ADAMTS3: variants seen among roughly 807,000 people sequenced by gnomAD.
ADAMTS3 encodes ADAM metallopeptidase with thrombospondin type 1 motif 3.
Under a neutral mutation model 129.0 loss-of-function variants are expected in ADAMTS3, and 73 were observed. That is an observed-to-expected ratio of 0.57 (90% CI 0.47 to 0.69). The LOEUF is 0.69. Among genes scored for constraint, ADAMTS3 ranks in the 30% least tolerant of loss-of-function variants. The pLI, the probability that ADAMTS3 is intolerant of heterozygous loss-of-function variation, is 0.00. For synonymous variants in ADAMTS3, 477 were observed against 510.8 expected (o/e 0.93, Z 0.89); for missense variants, 1,457 against 1,514.5 (o/e 0.96, Z 0.63).
At chr4:72,536,896 A>C (rs1018940836) in intron 3 of ADAMTS3, among the ~76,000 whole-genome samples, 15 of 152,346 alleles carry the variant, frequency 9.8e-5, no homozygotes, top group African/African-American at 3.1e-4. Flanking sequence ...CACTAAAAAA[A>C]CCCAAATTTA....
chr4:72,327,524 A>G (rs1301617032), intron 5 of ADAMTS3, among the ~76,000 whole-genome samples: 1 of 152,196 alleles, frequency 6.6e-6, no homozygotes, highest in East Asian at 1.9e-4. Context: ...CAAGTGCAAA[A>G]GCTCAACATA....
rs137870001 is a variant in ADAMTS3 at position 72,339,546 on chromosome 4, C to T, written c.809G>A (p.Arg270His). The change falls in exon 5 of 22, where the codon CGT becomes CAT. Residue 270 changes from arginine to histidine, a missense_variant. Transcript: ENST00000286657. ...TTGGACGTGCTCTTTGCCATGGAAACGGACCACAGAGTCATCCACTCCCAG... is the reference window on the plus strand; with the variant it reads ...TTGGACGTGCTCTTTGCCATGGAAATGGACCACAGAGTCATCCACTCCCAG... Reference protein sequence around the residue: ...VLLGVDDSVVRFHGKEHVQNY... With the variant: ...VLLGVDDSVVHFHGKEHVQNY... 4.7e-5 allele frequency: 76 copies of T among 1,613,926 alleles called. No individual in the cohort carries two copies. The Admixed American group carries it at 5.3e-4, about 11-fold the overall frequency.
chr4:72,406,099 A>G (rs2109915338), intron 4 of ADAMTS3, among the ~76,000 whole-genome samples: 1 of 152,100 alleles, frequency 6.6e-6, no homozygotes, highest in South Asian at 2.1e-4. Context: ...AATCAGTGTC[A>G]ATGTGGGTCC....
intron 4 of ADAMTS3, among the ~76,000 whole-genome samples, chr4:72,348,251 G>A (rs1296837686): frequency 6.6e-6 from 1 of 152,010 alleles, no homozygotes; most frequent in Non-Finnish European, 1.5e-5. Context: ...AGTAAAACAG[G>A]AGGAAGGGAG....
At chr4:72,369,476 C>T (rs111771662) in intron 4 of ADAMTS3, among the ~76,000 whole-genome samples, 11,576 of 151,942 alleles carry the variant, frequency 0.076, 1,503 homozygotes, top group African/African-American at 0.27. Flanking sequence ...CTTGAGAGGC[C>T]GAGGTGGGCA....
chr4:72,313,944 C>T (rs1719317824), intron 11 of ADAMTS3, 122 bp from the exon 12 acceptor site: 3 of 1,106,156 alleles, frequency 2.7e-6, no homozygotes, highest in Admixed American at 2.3e-5. Context: ...GGTGGAGATG[C>T]ATTTAAAATT....
chr4:72,474,025 T>G (rs891832170), intron 3 of ADAMTS3, among the ~76,000 whole-genome samples: 1 of 151,748 alleles, frequency 6.6e-6, no homozygotes, highest in Non-Finnish European at 1.5e-5. Flanking sequence ...ACACAAACTT[T>G]TATCTACACC....
intron 2 of ADAMTS3, among the ~76,000 whole-genome samples, chr4:72,559,980 T>C (rs1425736035): frequency 6.6e-6 from 1 of 151,746 alleles, no homozygotes; most frequent in Non-Finnish European, 1.5e-5. Flanking sequence ...AGCCTGGTAC[T>C]GACACAAAAA....
Position 72,329,589 on chromosome 4 carries a change from T to C in ADAMTS3, c.862-6492A>G, listed in dbSNP as rs112866345. 1.6e-3 allele frequency among the ~76,000 whole-genome samples: 240 copies of C among 152,278 alleles called. 2 individuals carry two copies. The highest frequency in any genetic ancestry group is 5.6e-3 in the African/African-American group (232 of 41,560). Reference sequence around the variant, plus strand: ...CTCTTTTCGCAAATACCTTGCTCTATGTTGTGTTTTGTTGTTGTTGCTGTT... The same window carrying C: ...CTCTTTTCGCAAATACCTTGCTCTACGTTGTGTTTTGTTGTTGTTGCTGTT... On this transcript the variant is annotated intron_variant, in intron 5 of 21. Coordinates refer to ENST00000286657, the MANE Select transcript of ADAMTS3 (RefSeq NM_014243.3).
At chr4:72,322,909 A>G in intron 6 of ADAMTS3, 105 bp downstream of exon 6, 1 of 843,178 alleles carries the variant, frequency 1.2e-6, no homozygotes, top group Non-Finnish European at 1.9e-6. Context: ...AGGGGTTTAT[A>G]TGGAATATAT....
At chr4:72,514,673 T>C (rs951167229) in intron 3 of ADAMTS3, among the ~76,000 whole-genome samples, 1 of 152,136 alleles carries the variant, frequency 6.6e-6, no homozygotes, top group Non-Finnish European at 1.5e-5. Context: ...GTAAGCCCCA[T>C]GTTTAAGTAA....
rs376668839 is a variant in ADAMTS3 at position 72,291,073 on chromosome 4, G to A, written c.2724-11C>T. 178 of 1,613,428 alleles carry A rather than the reference G, an allele frequency of 1.1e-4. No homozygotes were observed. The highest frequency in any genetic ancestry group is 3.7e-4 in the African/African-American group (28 of 74,992). On this transcript the variant is annotated splice_polypyrimidine_tract_variant and intron_variant, in intron 19 of 21. Transcript: ENST00000286657. The stretch of plus-strand genomic sequence containing the variant: ...TCTTCTGCTACCCAGCTGTGGGTGC[G>A]GGGATTTAATATTGCAATTATCACT...
intron 3 of ADAMTS3, among the ~76,000 whole-genome samples, chr4:72,530,768 T>TTG: frequency 7.5e-4 from 1 of 1,330 alleles, no homozygotes; most frequent in Admixed American, 0.056. Flanking sequence ...ATTATATAGA[T>TTG]TATATATATT....
intron 3 of ADAMTS3, among the ~76,000 whole-genome samples, chr4:72,535,447 C>T (rs1721162388): frequency 6.6e-6 from 1 of 152,166 alleles, no homozygotes; most frequent in African/African-American, 2.4e-5. Flanking sequence ...CAGCATCTAA[C>T]AGTACAGTCC....
intron 17 of ADAMTS3, among the ~76,000 whole-genome samples, chr4:72,299,448 G>T (rs569853472): frequency 1.3e-5 from 2 of 152,218 alleles, no homozygotes; most frequent in Middle Eastern, 6.8e-3. Context: ...TAAGTGTGTG[G>T]TAACTCTTCA....
chr4:72,313,192 T>C (rs1221881595), intron 12 of ADAMTS3, among the ~76,000 whole-genome samples: 1 of 152,170 alleles, frequency 6.6e-6, no homozygotes, highest in African/African-American at 2.4e-5. Flanking sequence ...GGGAATTCAG[T>C]AATTGTAGTC....
chr4:72,470,910 TC>T (rs1719056772), intron 3 of ADAMTS3, among the ~76,000 whole-genome samples: 1 of 152,168 alleles, frequency 6.6e-6, no homozygotes, highest in African/African-American at 2.4e-5. Flanking sequence ...ATTTTTAATA[TC>T]CTATGTGATA....
intron 3 of ADAMTS3, among the ~76,000 whole-genome samples, chr4:72,500,752 T>C (rs941853475): frequency 6.6e-6 from 1 of 152,140 alleles, no homozygotes; most frequent in African/African-American, 2.4e-5. Context: ...TTTGAGGTCT[T>C]ACATTTAAAT....
At chr4:72,543,803 C>T (rs1038877769) in intron 3 of ADAMTS3, among the ~76,000 whole-genome samples, 2 of 152,048 alleles carry the variant, frequency 1.3e-5, no homozygotes, top group African/African-American at 2.4e-5. Context: ...GTGATGGTTG[C>T]ACAACCATAT....
Sources: gnomAD v4.1 joint callset for allele counts (sites outside exome capture counted in the v4.1 genomes callset) on GRCh38, gnomAD v4.1.1 for gene constraint, MANE v1.5 for transcripts, NCBI Gene and HGNC (gene_info 2026-07-23, HGNC 2026-07-21) for gene names.